The following PCDHGB1 variants were observed in gnomAD, a reference collection of about 807,000 sequenced individuals.
The protein encoded by PCDHGB1 is protocadherin gamma subfamily B, 1.
A neutral mutation model predicts 56.6 loss-of-function variants in PCDHGB1; 34 were observed. That is an observed-to-expected ratio of 0.60 (90% CI 0.46 to 0.80). PCDHGB1 has a LOEUF of 0.80. Ranked by LOEUF, PCDHGB1 falls within the 30% of genes least tolerant of loss-of-function variation. The probability of loss-of-function intolerance (pLI) is 0.00; values close to 1 mark genes in which losing one functional copy is unlikely to be tolerated. For missense variants in PCDHGB1, 1,278 were observed against 1,204.6 expected, an observed-to-expected ratio of 1.06 and a Z score of -0.90; for synonymous variants, 561 against 505.9, an observed-to-expected ratio of 1.11 and a Z score of -1.46.
At chr5:141,419,411 C>T (rs757881409) in intron 1 of PCDHGB1, 7 of 1,613,344 alleles carry the variant, frequency 4.3e-6, no homozygotes, top group Non-Finnish European at 5.9e-6. Flanking sequence ...GTTCGCGCAG[C>T]GCGCCTTCGA....
chr5:141,409,567 G>A (rs974585499), intron 1 of PCDHGB1: 1 of 1,613,896 alleles, frequency 6.2e-7, no homozygotes, highest in African/African-American at 1.3e-5. Flanking sequence ...TCGACCAGAC[G>A]TCCTACGTGG....
chr5:141,490,808 A>C lies in PCDHGB1; in HGVS notation c.2410-3999A>C. On this transcript the variant is annotated intron_variant, in intron 1 of 3. Coordinates refer to ENST00000523390, the MANE Select transcript of PCDHGB1 (RefSeq NM_018922.3). The surrounding 1 kb of genome is among the most constrained non-coding windows in gnomAD (Gnocchi z 5.4). The stretch of plus-strand genomic sequence containing the variant: ...CGGATCTTTGCCCAGCGTACCTTTG[A>C]CTATGAATTGCTGCAGATGCTGCAG... 1 of 1,613,884 alleles carries C rather than the reference A, an allele frequency of 6.2e-7. No homozygotes were observed. The highest frequency in any genetic ancestry group is 8.5e-7 in the Non-Finnish European group (1 of 1,179,874).
chr5:141,404,244 C>A (rs1164182551), intron 1 of PCDHGB1: 2 of 1,613,758 alleles, frequency 1.2e-6, no homozygotes, highest in East Asian at 2.2e-5. Context: ...GGAACTCCGC[C>A]CCTGTCCACA....
chr5:141,496,984 G>C (rs938752499), intron 2 of PCDHGB1, among the ~76,000 whole-genome samples: 1 of 151,896 alleles, frequency 6.6e-6, no homozygotes, highest in Admixed American at 6.6e-5. Context: ...TCAGGGGTTT[G>C]AGACCAGCCT....
chr5:141,387,782 A>G lies in PCDHGB1; in HGVS notation c.2409+35113A>G, dbSNP rs145228594. 6.9e-3 allele frequency: 10,094 copies of G among 1,466,254 alleles called. 59 individuals are homozygous for G. The highest frequency in any genetic ancestry group is 8.3e-3 in the Non-Finnish European group (9,103 of 1,100,820). 90.8% of individuals were successfully genotyped at this position (1,466,254 alleles called of 1,614,324 possible). On this transcript the variant is annotated intron_variant, in intron 1 of 3. Transcript: ENST00000523390. ...AAGAAGAATTTTTTCTTGAACTGGA[A>G]CTGCAACTAAAGTCCGTTCGGAGAT... is the stretch of plus-strand genomic sequence containing the variant.
In PCDHGB1 at chr5:141,491,803, C is replaced by T. The variant is rs2099730932; in HGVS notation, c.2410-3004C>T. ...CTTGCATCCACTCCTCTCCGGCCGG[C>T]TTGGTCGCTGGCTGCGCTCCACCCG... On this transcript the variant is annotated intron_variant, in intron 1 of 3. Transcript: ENST00000523390. This position sits in a 1 kb window ranked among gnomAD's most constrained non-coding sequence, Gnocchi z 6.9. 1 of 1,497,820 alleles carries T rather than the reference C, an allele frequency of 6.7e-7. No individual in the cohort carries two copies. Among genetic ancestry groups the T allele is most frequent in the Non-Finnish European group, 8.9e-7 (1 of 1,124,124 alleles). 92.8% of individuals were successfully genotyped at this position (1,497,820 alleles called of 1,614,324 possible).
chr5:141,402,684 A>G (rs2094294341), intron 1 of PCDHGB1, among the ~76,000 whole-genome samples: 1 of 152,144 alleles, frequency 6.6e-6, no homozygotes, highest in African/African-American at 2.4e-5. Context: ...ATCTGATATA[A>G]TGTTACACAT....
chr5:141,407,989 T>G, intron 1 of PCDHGB1: 1 of 833,618 alleles, frequency 1.2e-6, no homozygotes, highest in Non-Finnish European at 1.8e-6. Flanking sequence ...TCCGTCAGCC[T>G]CTGGCCTGGG....
chr5:141,384,139 A>G (rs1561600498), intron 1 of PCDHGB1: 1 of 1,612,786 alleles, frequency 6.2e-7, no homozygotes. Context: ...GGACCGGGAA[A>G]CACTCTCTTT....
intron 1 of PCDHGB1, chr5:141,365,152 C>G: frequency 6.2e-7 from 1 of 1,613,880 alleles, no homozygotes. Context: ...AGGGAATAAA[C>G]GGGAAATTGA....
At chr5:141,395,379 C>A in intron 1 of PCDHGB1, 1 of 1,139,610 alleles carries the variant, frequency 8.8e-7, no homozygotes, top group Non-Finnish European at 1.2e-6. Flanking sequence ...GGTGGTGTTA[C>A]TATAAAATTG....
chr5:141,351,221 G>A lies in PCDHGB1; in HGVS notation c.961G>A (p.Gly321Arg), dbSNP rs201087525. The A allele has an allele frequency of 3.1e-6, 5 of 1,614,012 alleles. No individual in the cohort carries two copies. Among genetic ancestry groups the A allele is most frequent in the Non-Finnish European group, 4.2e-6 (5 of 1,179,888 alleles). ...YVLSVEAKDG[G>R]VHTAHCNVQI... ...GTTGAGTGTGGAAGCTAAGGATGGA[G>A]GAGTACACACAGCTCACTGTAATGT... Residue 321 changes from glycine (G) to arginine (R), a missense_variant, in exon 1 of 4, where the codon GGA becomes AGA. Gly to Arg is a moderately radical substitution (Grantham distance 125, BLOSUM62 -2). Coordinates refer to ENST00000523390, the MANE Select transcript of PCDHGB1 (RefSeq NM_018922.3).
chr5:141,419,317 T>C, intron 1 of PCDHGB1: 1 of 1,613,952 alleles, frequency 6.2e-7, no homozygotes, highest in Non-Finnish European at 8.5e-7. Flanking sequence ...TCAACGGCCG[T>C]GTCTCCTACT....
rs781267293 is a variant in PCDHGB1 at position 141,489,926 on chromosome 5, C to T, written c.2410-4881C>T. 1.2e-6 allele frequency: 2 copies of T among 1,614,222 alleles called. No individual in the cohort carries two copies. The highest frequency in any genetic ancestry group is 2.2e-5 in the East Asian group (1 of 44,878). On this transcript the variant is annotated intron_variant, in intron 1 of 3. Coordinates refer to ENST00000523390, the MANE Select transcript of PCDHGB1 (RefSeq NM_018922.3). The surrounding 1 kb of genome is among the most constrained non-coding windows in gnomAD (Gnocchi z 4.5). Reference sequence around the variant, plus strand: ...GCCCGCTCAGGGACCACCCTTATCTCTGTCATCGTGCTGGACATCAATGAT... The same window carrying T: ...GCCCGCTCAGGGACCACCCTTATCTTTGTCATCGTGCTGGACATCAATGAT...
At chr5:141,465,775 T>TA (rs2099108994) in intron 1 of PCDHGB1, among the ~76,000 whole-genome samples, 1 of 152,030 alleles carries the variant, frequency 6.6e-6, no homozygotes, top group African/African-American at 2.4e-5. Context: ...CATCTCTTGT[T>TA]ACAGTTTTTT....
At chr5:141,413,626 G>T (rs757785567) in intron 1 of PCDHGB1, 24 of 1,613,680 alleles carry the variant, frequency 1.5e-5, no homozygotes, top group Non-Finnish European at 1.7e-5. Context: ...TGAAAATGTC[G>T]CTGCGGGAAT....
In PCDHGB1 at chr5:141,489,576, C is replaced by T; in HGVS notation, c.2410-5231C>T. 1.9e-6 allele frequency: 3 copies of T among 1,614,054 alleles called. No individual in the cohort carries two copies. Among genetic ancestry groups the T allele is most frequent in the Non-Finnish European group, 2.5e-6 (3 of 1,179,976 alleles). Reference sequence around the variant, plus strand: ...TGCCAGTGCAGGTGGTGACTGAACACCCCCTGGAGCTAATCCGTGTAGAGG... The same window carrying T: ...TGCCAGTGCAGGTGGTGACTGAACATCCCCTGGAGCTAATCCGTGTAGAGG... On this transcript the variant is annotated intron_variant, in intron 1 of 3. Coordinates refer to ENST00000523390, the MANE Select transcript of PCDHGB1 (RefSeq NM_018922.3). This position sits in a 1 kb window ranked among gnomAD's most constrained non-coding sequence, Gnocchi z 4.5.
chr5:141,365,581 T>C (rs751305003), intron 1 of PCDHGB1: 49 of 1,613,586 alleles, frequency 3.0e-5, no homozygotes, highest in Middle Eastern at 1.6e-4. Context: ...AGACTTCAGA[T>C]TATAATATCA....
At chr5:141,394,188 G>A (rs772537455) in intron 1 of PCDHGB1, 1 of 1,613,828 alleles carries the variant, frequency 6.2e-7, no homozygotes, top group Non-Finnish European at 8.5e-7. Flanking sequence ...CTCCTACTCA[G>A]CGTATATCCT....
Sources: allele counts gnomAD v4.1 joint callset (sites outside exome capture counted in the v4.1 genomes callset), GRCh38; gene constraint gnomAD v4.1.1; non-coding constraint Gnocchi (gnomAD v3.1); transcripts MANE v1.5; gene names NCBI Gene and HGNC (gene_info 2026-07-23, HGNC 2026-07-21).